ETNPPL: variants seen among roughly 807,000 people sequenced by gnomAD.
The protein encoded by ETNPPL is ethanolamine-phosphate phospho-lyase.
A neutral mutation model predicts 55.5 loss-of-function variants in ETNPPL; 30 were observed. The ratio of observed to expected loss-of-function variants is 0.54; its 90% CI spans 0.40 to 0.73. The LOEUF (loss-of-function observed/expected upper bound fraction) is 0.73. Among genes scored for constraint, ETNPPL ranks in the 30% least tolerant of loss-of-function variants. ETNPPL has a pLI of 0.00. For synonymous variants in ETNPPL, 202 were observed against 207.2 expected, an observed-to-expected ratio of 0.98 and a Z score of 0.21; for missense variants, 528 against 607.9, an observed-to-expected ratio of 0.87 and a Z score of 1.38.
At chr4:108,760,979 T>C (rs1680794236) in intron 1 of ETNPPL, among the ~76,000 whole-genome samples, 1 of 152,224 alleles carries the variant, frequency 6.6e-6, no homozygotes, top group African/African-American at 2.4e-5. Context: ...TTTTATAGAT[T>C]ATTTTCATTT....
chr4:108,757,374 T>C (rs1187233471), intron 3 of ETNPPL, among the ~76,000 whole-genome samples: 6 of 152,254 alleles, frequency 3.9e-5, no homozygotes, highest in Non-Finnish European at 8.8e-5. Flanking sequence ...CTCCTTTATA[T>C]GGATAAAACA....
At position 108,761,649 on chromosome 4, in the gene ETNPPL, G is replaced by A. The variant is rs554660450; in HGVS notation, c.56+1194C>T. The stretch of plus-strand genomic sequence containing the variant: ...CTTTTAGAAAATTTGTTCTGCTCAT[G>A]TCAGAAACCATTAGGCATTTACCGG... On this transcript the variant is annotated intron_variant, in intron 1 of 12. Coordinates refer to ENST00000296486, the MANE Select transcript of ETNPPL (RefSeq NM_031279.4). 2.6e-4 allele frequency among the ~76,000 whole-genome samples: 39 copies of A among 152,296 alleles called. 1 individual carries two copies. The South Asian group carries it at 7.7e-3, about 30-fold the overall frequency.
Position 108,748,168 on chromosome 4 carries a change from A to C in ETNPPL, c.928-9T>G. 6.5e-7 allele frequency: 1 copy of C among 1,549,612 alleles called. No homozygotes were observed. The highest frequency in any genetic ancestry group is 8.6e-7 in the Non-Finnish European group (1 of 1,158,134). On this transcript the variant is annotated splice_polypyrimidine_tract_variant and intron_variant, in intron 8 of 12. Coordinates refer to ENST00000296486, the MANE Select transcript of ETNPPL (RefSeq NM_031279.4). ...ACTGGATTTCCTCCATACTGTAAAA[A>C]AAAAAAAGACAAATGAGAAAATATA... is the stretch of plus-strand genomic sequence containing the variant.
chr4:108,756,129 T>C (rs954714092), intron 4 of ETNPPL, among the ~76,000 whole-genome samples: 1 of 152,204 alleles, frequency 6.6e-6, no homozygotes, highest in Non-Finnish European at 1.5e-5. Flanking sequence ...AGTGGCTCAA[T>C]GAATAATGTG....
intron 1 of ETNPPL, chr4:108,762,292 C>A: frequency 2.2e-6 from 1 of 452,312 alleles, no homozygotes; most frequent in South Asian, 1.6e-5. Context: ...TAAATAAAGT[C>A]TCTGCTTTTC....
intron 7 of ETNPPL, among the ~76,000 whole-genome samples, chr4:108,750,437 C>A (rs544668093): frequency 6.6e-6 from 1 of 151,512 alleles, no homozygotes; most frequent in African/African-American, 2.4e-5. Context: ...TTGCTCCCCA[C>A]CTTGCAGACA....
intron 3 of ETNPPL, among the ~76,000 whole-genome samples, chr4:108,757,076 G>A (rs1027852944): frequency 1.3e-5 from 2 of 152,108 alleles, no homozygotes; most frequent in African/African-American, 4.8e-5. Flanking sequence ...CATAGTGACT[G>A]AGGACACGAA....
chr4:108,750,522 G>GTA (rs1728847202), intron 7 of ETNPPL, among the ~76,000 whole-genome samples: 3 of 149,688 alleles, frequency 2.0e-5, no homozygotes, highest in Non-Finnish European at 3.0e-5. Flanking sequence ...GTGTGTGTGT[G>GTA]TGTATGATAT....
intron 5 of ETNPPL, among the ~76,000 whole-genome samples, chr4:108,754,149 C>CT (rs968047910): frequency 5.3e-5 from 8 of 151,406 alleles, no homozygotes; most frequent in Admixed American, 4.0e-4. Context: ...AATTTTTGTA[C>CT]TTTTTTTAAG....
At position 108,762,977 on chromosome 4, in the gene ETNPPL, G is replaced by T; in HGVS notation, c.-79C>A. ...CCTACGCGAGCCTGGGACTGCCTTG[G>T]CGGCCCCGGCCGGCCTTCCTCCCGT... On this transcript the variant is annotated 5_prime_UTR_variant, in exon 1 of 13. Transcript: ENST00000296486. The T allele has an allele frequency of 2.8e-6, 4 of 1,439,854 alleles. 1 individual carries two copies. In the South Asian group the frequency reaches 4.6e-5, roughly 17 times the overall value. 89.2% of individuals were successfully genotyped at this position (1,439,854 alleles called of 1,614,324 possible).
chr4:108,756,583 T>A, intron 3 of ETNPPL, 91 bp from the exon 4 acceptor site: 1 of 976,944 alleles, frequency 1.0e-6, no homozygotes, highest in East Asian at 2.4e-5. Context: ...ACGCCTGTAA[T>A]CCTAGCGCTT....
In ETNPPL at chr4:108,760,231, C is replaced by T; in HGVS notation, c.132G>A (p.Glu44=). 6.2e-7 allele frequency: 1 copy of T among 1,612,602 alleles called. No homozygotes were observed. The highest frequency in any genetic ancestry group is 8.5e-7 in the Non-Finnish European group (1 of 1,178,730). Residue 44 remains glutamate (E), a synonymous_variant, in exon 2 of 13, where the codon GAG becomes GAA. Coordinates refer to ENST00000296486, the MANE Select transcript of ETNPPL (RefSeq NM_031279.4). ...TGCAGTCCAAGTACTGTTCACCGTT[C>T]TCATCAAACATGTACTGCCTCTGGG... is the stretch of plus-strand genomic sequence containing the variant. ...VRAQRQYMFD[E]NGEQYLDCIN... is the part of the protein sequence containing the mutation.
chr4:108,745,999 T>C (rs1728473310), intron 11 of ETNPPL, among the ~76,000 whole-genome samples: 1 of 151,758 alleles, frequency 6.6e-6, no homozygotes, highest in African/African-American at 2.4e-5. Flanking sequence ...TGTCACACTG[T>C]AGCCTATATA....
At position 108,762,870 on chromosome 4, in the gene ETNPPL, G is replaced by A; in HGVS notation, c.29C>T (p.Thr10Ile). 1 of 1,614,120 alleles carries A rather than the reference G, an allele frequency of 6.2e-7. No homozygotes were observed. The highest frequency in any genetic ancestry group is 1.1e-5 in the South Asian group (1 of 91,090). MCELYSKRD[T>I]LGLRKKHIGP... Reference sequence around the variant, plus strand: ...GATGTGCTTCTTCCTCAGCCCCAGAGTGTCCCGCTTACTGTACAGCTCGCA... The same window carrying A: ...GATGTGCTTCTTCCTCAGCCCCAGAATGTCCCGCTTACTGTACAGCTCGCA... The change falls in exon 1 of 13, where the codon ACT (threonine) becomes ATT (isoleucine). Residue 10 changes from threonine (T) to isoleucine (I), a missense_variant. Transcript: ENST00000296486.
chr4:108,759,624 G>C, intron 3 of ETNPPL, 125 bp downstream of exon 3: 1 of 923,748 alleles, frequency 1.1e-6, no homozygotes, highest in Non-Finnish European at 1.6e-6. Flanking sequence ...ATCACTTAGT[G>C]AATGGCAAGA....
intron 3 of ETNPPL, among the ~76,000 whole-genome samples, chr4:108,756,855 A>T (rs1208941656): frequency 1.3e-5 from 2 of 152,176 alleles, no homozygotes; most frequent in Admixed American, 1.3e-4. Context: ...AACATTTAGG[A>T]TGTTAATTAC....
chr4:108,753,007 G>A lies in ETNPPL; in HGVS notation c.506C>T (p.Pro169Leu). ...TTTTCCTCTGTAAGTATCTGGAGTT[G>A]GTGCCTGAAAACATCAAATAATGCA... The part of the protein sequence containing the change: ...DVKKEFVHVA[P>L]TPDTYRGKYR... The change falls in exon 6 of 13, where the codon CCA (proline) becomes CTA (leucine). Residue 169 changes from proline to leucine, a missense_variant. Transcript: ENST00000296486. 3 of 1,587,614 alleles carry A rather than the reference G, an allele frequency of 1.9e-6. No homozygotes were observed. Among genetic ancestry groups the A allele is most frequent in the Non-Finnish European group, 2.6e-6 (3 of 1,161,326 alleles).
At chr4:108,759,466 C>T (rs1021990881) in intron 3 of ETNPPL, among the ~76,000 whole-genome samples, 3 of 147,004 alleles carry the variant, frequency 2.0e-5, no homozygotes, top group Non-Finnish European at 3.0e-5. Context: ...GCTAAAGTTA[C>T]TCATACACTC....
At chr4:108,748,235 G>T in intron 8 of ETNPPL, 76 bp from the exon 9 acceptor site, 1 of 1,077,820 alleles carries the variant, frequency 9.3e-7, no homozygotes, top group South Asian at 1.7e-5. Context: ...GAGAAATTTG[G>T]CTCATACATA....
Sources: gnomAD v4.1 joint callset for allele counts (sites outside exome capture counted in the v4.1 genomes callset) on GRCh38, gnomAD v4.1.1 for gene constraint, MANE v1.5 for transcripts, NCBI Gene and HGNC (gene_info 2026-07-23, HGNC 2026-07-21) for gene names.